HS6ST2: variants seen among roughly 807,000 people sequenced by gnomAD.
HS6ST2 encodes heparan-sulfate 6-O-sulfotransferase 2.
A neutral mutation model predicts 33.0 loss-of-function variants in HS6ST2; 17 were observed. The observed-to-expected ratio is 0.52, with a 90% CI of 0.35 to 0.77. HS6ST2 has a LOEUF of 0.77. Ranked by LOEUF, HS6ST2 falls within the 30% of genes least tolerant of loss-of-function variation. HS6ST2 has a pLI of 0.01. For synonymous variants in HS6ST2, 248 were observed against 237.1 expected (o/e 1.05, Z -0.42); for missense variants, 519 against 551.7 (o/e 0.94, Z 0.59).
chrX:132,705,186 C>CGTGTGTGTGT (rs780815738), intron 3 of HS6ST2, among the ~76,000 whole-genome samples: 3 of 81,337 alleles, frequency 3.7e-5, no homozygotes, highest in African/African-American at 8.2e-5. Flanking sequence ...GATGTGGGCA[C>CGTGTGTGTGT]GCGTGTGTGT....
At chrX:132,939,476 T>C (rs956097665) in intron 2 of HS6ST2, among the ~76,000 whole-genome samples, 2 of 109,814 alleles carry the variant, frequency 1.8e-5, no homozygotes, top group African/African-American at 6.6e-5. Flanking sequence ...AATACAAAAA[T>C]TAGCCGGGCA....
At chrX:132,737,808 G>A (rs771809030) in intron 2 of HS6ST2, among the ~76,000 whole-genome samples, 6 of 112,449 alleles carry the variant, frequency 5.3e-5, no homozygotes, top group Non-Finnish European at 5.6e-5. Context: ...GCAAGTGCCC[G>A]CTGCAGCAGC....
chrX:132,787,705 C>T (rs1384124150), intron 2 of HS6ST2, among the ~76,000 whole-genome samples: 1 of 107,899 alleles, frequency 9.3e-6, no homozygotes, highest in African/African-American at 3.4e-5. Flanking sequence ...GCCTGGTGAG[C>T]ACGGCGAAAC....
intron 2 of HS6ST2, among the ~76,000 whole-genome samples, chrX:132,748,900 G>T (rs1369044017): frequency 1.8e-5 from 2 of 111,880 alleles, no homozygotes; most frequent in African/African-American, 6.5e-5. Context: ...AAGTGCTGGG[G>T]TTACAAGCGT....
At chrX:132,772,899 T>A (rs1185581764) in intron 2 of HS6ST2, among the ~76,000 whole-genome samples, 2 of 84,875 alleles carry the variant, frequency 2.4e-5, no homozygotes, top group African/African-American at 4.6e-5. Context: ...TATTATGTAA[T>A]ATAAAATATA....
At chrX:132,805,866 T>A (rs184244009) in intron 2 of HS6ST2, among the ~76,000 whole-genome samples, 1 of 110,695 alleles carries the variant, frequency 9.0e-6, no homozygotes, top group Admixed American at 9.6e-5. Context: ...GTTGAATAGA[T>A]TGAGTAGACT....
chrX:132,698,918 T>C (rs745374207), intron 3 of HS6ST2, among the ~76,000 whole-genome samples: 1 of 112,328 alleles, frequency 8.9e-6, no homozygotes, highest in Admixed American at 9.4e-5. Flanking sequence ...TGCTGAATTA[T>C]GGTAGGTGCT....
intron 2 of HS6ST2, among the ~76,000 whole-genome samples, chrX:132,722,843 T>C (rs2148267042): frequency 1.0e-5 from 1 of 98,403 alleles, no homozygotes; most frequent in South Asian, 4.5e-4. Context: ...TATTCAAACA[T>C]ATAGGTGTAT....
chrX:132,640,484 C>T (rs6654267), intron 4 of HS6ST2, among the ~76,000 whole-genome samples: 16 of 111,465 alleles, frequency 1.4e-4, no homozygotes, highest in African/African-American at 4.6e-4. Flanking sequence ...ATGTCAGACA[C>T]TAGGCTAGAA....
At chrX:132,863,983 C>T (rs979310088) in intron 2 of HS6ST2, among the ~76,000 whole-genome samples, 1 of 111,360 alleles carries the variant, frequency 9.0e-6, no homozygotes, top group Non-Finnish European at 1.9e-5. Context: ...CTCCAGCAAA[C>T]TCCAGCAGGC....
At chrX:132,693,857 C>A (rs910366656) in intron 3 of HS6ST2, among the ~76,000 whole-genome samples, 3 of 111,537 alleles carry the variant, frequency 2.7e-5, no homozygotes, top group East Asian at 2.8e-4. Context: ...CAGCCTCCCC[C>A]ACAACCTGTG....
At chrX:132,960,251 G>A (rs934333261), upstream of HS6ST2, among the ~76,000 whole-genome samples, 4 of 111,144 alleles carry the variant, frequency 3.6e-5, no homozygotes, top group African/African-American at 1.3e-4. Flanking sequence ...AGGGTAGTGG[G>A]AAGCTATGGG....
chrX:132,834,503 C>G (rs1029453951), intron 2 of HS6ST2, among the ~76,000 whole-genome samples: 1 of 112,021 alleles, frequency 8.9e-6, no homozygotes, highest in Non-Finnish European at 1.9e-5. Flanking sequence ...TTTGAAGACC[C>G]AAGGCTCAGG....
chrX:132,919,944 C>T (rs746357642), intron 2 of HS6ST2, among the ~76,000 whole-genome samples: 2 of 111,823 alleles, frequency 1.8e-5, no homozygotes, highest in East Asian at 5.6e-4. Context: ...AGTCAGCGTA[C>T]GGAAAACCCT....
At chrX:132,722,869 T>C (rs1602611455) in intron 2 of HS6ST2, among the ~76,000 whole-genome samples, 1 of 78,292 alleles carries the variant, frequency 1.3e-5, no homozygotes, top group African/African-American at 5.4e-5. Flanking sequence ...TAAAATTATG[T>C]TAAAAATAAA....
At chrX:132,723,641 C>A (rs1304173146) in intron 2 of HS6ST2, among the ~76,000 whole-genome samples, 2 of 111,526 alleles carry the variant, frequency 1.8e-5, no homozygotes, top group Non-Finnish European at 3.8e-5. Context: ...TAAAAACCCT[C>A]AAAAAACTGG....
At chrX:132,742,753 G>A (rs2064592535) in intron 2 of HS6ST2, among the ~76,000 whole-genome samples, 1 of 112,432 alleles carries the variant, frequency 8.9e-6, no homozygotes. Flanking sequence ...CTGGCTTTCC[G>A]TGTCACTACG....
At chrX:132,882,105 C>T (rs2066182856) in intron 2 of HS6ST2, among the ~76,000 whole-genome samples, 2 of 111,426 alleles carry the variant, frequency 1.8e-5, no homozygotes, top group African/African-American at 3.3e-5. Context: ...CTTGGCGATG[C>T]AGGCTCTTTT....
chrX:132,704,789 C>T (rs1212573771), intron 3 of HS6ST2, among the ~76,000 whole-genome samples: 2 of 111,901 alleles, frequency 1.8e-5, no homozygotes, highest in African/African-American at 3.2e-5. Context: ...GTTTGAAGCA[C>T]TTTGCTAACT....
Sources: gnomAD v4.1 joint callset for allele counts (sites outside exome capture counted in the v4.1 genomes callset) on GRCh38, gnomAD v4.1.1 for gene constraint, MANE v1.5 for transcripts, NCBI Gene and HGNC (gene_info 2026-07-23, HGNC 2026-07-21) for gene names.